RIMKLB: variants seen among roughly 807,000 people sequenced by gnomAD.
RIMKLB encodes the protein beta-citrylglutamate synthase B.
In RIMKLB, 7 loss-of-function variants were observed where a neutral mutation model predicts 32.0. That is an observed-to-expected ratio of 0.22 (90% confidence interval 0.12 to 0.41). RIMKLB has a LOEUF of 0.41. Ranked by LOEUF, RIMKLB falls within the 10% of genes least tolerant of loss-of-function variation. RIMKLB has a pLI of 1.00. For synonymous variants in RIMKLB, 172 were observed against 185.1 expected, an observed-to-expected ratio of 0.93 and a Z score of 0.57; for missense variants, 289 against 498.7, an observed-to-expected ratio of 0.58 and a Z score of 4.00.
At chr12:8,687,882 C>T (rs1240060286) in intron 1 of RIMKLB, among the ~76,000 whole-genome samples, 1 of 150,562 alleles carries the variant, frequency 6.6e-6, no homozygotes, top group Non-Finnish European at 1.5e-5. Context: ...ATTGCTTTGC[C>T]TGGGGATCTG....
chr12:8,733,709 C>T (rs1301847997), intron 2 of RIMKLB, among the ~76,000 whole-genome samples: 1 of 152,074 alleles, frequency 6.6e-6, no homozygotes, highest in African/African-American at 2.4e-5. Context: ...CTTGTCACTA[C>T]AAAAAATAAA....
upstream of RIMKLB, among the ~76,000 whole-genome samples, chr12:8,696,296 A>AG (rs1296252634): frequency 1.3e-5 from 2 of 152,188 alleles, no homozygotes; most frequent in Non-Finnish European, 2.9e-5. Flanking sequence ...TTTATGTCCC[A>AG]GGGGGCTGAA....
chr12:8,711,853 G>T (rs1326355461), intron 1 of RIMKLB, among the ~76,000 whole-genome samples: 1 of 152,086 alleles, frequency 6.6e-6, no homozygotes, highest in Non-Finnish European at 1.5e-5. Flanking sequence ...TATGTCTTTG[G>T]GTACAGCGTC....
At chr12:8,701,713 A>AT (rs971301012) in intron 1 of RIMKLB, among the ~76,000 whole-genome samples, 3 of 148,710 alleles carry the variant, frequency 2.0e-5, no homozygotes, top group African/African-American at 7.5e-5. Flanking sequence ...CTACATTTAG[A>AT]TTTTACAGGG....
chr12:8,675,254 A>C, the RIMKLB span, among the ~76,000 whole-genome samples: 1 of 152,210 alleles, frequency 6.6e-6, no homozygotes, highest in South Asian at 2.1e-4. Flanking sequence ...TTATTTTCTG[A>C]AACATTAGTC....
chr12:8,748,666 G>A lies in RIMKLB; in HGVS notation c.176-1196G>A, dbSNP rs575281666. ...TAGGGTTTAAGAAGAAACTCGGGGC[G>A]GCCGTGGTGGCTCATGCCTGTAAGC... On this transcript the variant is annotated intron_variant, in intron 2 of 5. Transcript: ENST00000535829. Among the ~76,000 whole-genome samples the A allele has an allele frequency of 1.1e-3, 173 of 151,016 alleles. 1 individual carries two copies. Among genetic ancestry groups the A allele is most frequent in the Non-Finnish European group, 1.8e-3 (120 of 67,802 alleles).
In RIMKLB at chr12:8,774,354, T is replaced by C; in HGVS notation, c.*570T>C. ...TTTTTTTGTTTTTTCCCGCTTAATTTGGTGGGAGGTCAAATTGAATATAAC... is the reference window on the plus strand; with the variant it reads ...TTTTTTTGTTTTTTCCCGCTTAATTCGGTGGGAGGTCAAATTGAATATAAC... On this transcript the variant is annotated 3_prime_UTR_variant, in exon 6 of 6. Coordinates refer to ENST00000535829, the MANE Select transcript of RIMKLB (RefSeq NM_001297776.2). 2.0e-6 allele frequency: 2 copies of C among 985,992 alleles called. No homozygotes were observed. Among genetic ancestry groups the C allele is most frequent in the Non-Finnish European group, 2.4e-6 (2 of 830,050 alleles). 61.1% of individuals were successfully genotyped at this position (985,992 alleles called of 1,614,324 possible). A position where few individuals can be genotyped will look rare whatever the true frequency, so the allele number is the denominator to read the frequency against.
chr12:8,742,461 A>C, intron 2 of RIMKLB: 1 of 399,058 alleles, frequency 2.5e-6, no homozygotes, highest in Non-Finnish European at 4.9e-6. Flanking sequence ...CAAAGAGCAC[A>C]TGGAGGAGGA....
At chr12:8,718,452 T>C (rs1945074402) in intron 2 of RIMKLB, among the ~76,000 whole-genome samples, 1 of 152,216 alleles carries the variant, frequency 6.6e-6, no homozygotes, top group Non-Finnish European at 1.5e-5. Flanking sequence ...GAGGCCATCC[T>C]GGCCAACATG....
In RIMKLB at chr12:8,698,570, C is replaced by G. The variant is rs184539932; in HGVS notation, c.-57+273C>G. ...GTGCGTGCGACCGGGCGAGCCGTGT[C>G]GAGGGGGCGGCGACTTCGGGCGTGT... On this transcript the variant is annotated intron_variant, in intron 1 of 5. Coordinates refer to ENST00000535829, the MANE Select transcript of RIMKLB (RefSeq NM_001297776.2). 3.0e-3 allele frequency among the ~76,000 whole-genome samples: 450 copies of G among 152,226 alleles called. 8 individuals are homozygous for G. Among genetic ancestry groups the G allele is most frequent in the African/African-American group, 0.01 (422 of 41,560 alleles).
At chr12:8,705,874 G>C (rs776177103) in intron 1 of RIMKLB, among the ~76,000 whole-genome samples, 1 of 152,244 alleles carries the variant, frequency 6.6e-6, no homozygotes, top group East Asian at 1.9e-4. Context: ...GAGTCTTGAG[G>C]AAGAGTTCCT....
At chr12:8,780,891 TTGAA>T (rs1195619639), downstream of RIMKLB, among the ~76,000 whole-genome samples, 4 of 152,216 alleles carry the variant, frequency 2.6e-5, no homozygotes, top group African/African-American at 7.2e-5. Flanking sequence ...ATTCTTTACT[TTGAA>T]TAATAACTAA....
the RIMKLB span, among the ~76,000 whole-genome samples, chr12:8,673,396 C>G: frequency 1.3e-5 from 2 of 152,106 alleles, no homozygotes; most frequent in Non-Finnish European, 2.9e-5. Context: ...AACTTAGTGA[C>G]TAAAACAACA....
At chr12:8,687,821 A>G (rs1034443092) in intron 1 of RIMKLB, among the ~76,000 whole-genome samples, 8 of 87,930 alleles carry the variant, frequency 9.1e-5, no homozygotes, top group South Asian at 5.7e-4. Flanking sequence ...AGTCAGGAAG[A>G]AAAAAAAAAA....
chr12:8,746,760 C>CTT (rs200870665), intron 2 of RIMKLB, among the ~76,000 whole-genome samples: 1 of 151,306 alleles, frequency 6.6e-6, no homozygotes, highest in Non-Finnish European at 1.5e-5. Context: ...CTTCAAAAAA[C>CTT]TTTTTTTTTC....
At chr12:8,719,198 T>C (rs780581344) in intron 2 of RIMKLB, among the ~76,000 whole-genome samples, 22 of 152,202 alleles carry the variant, frequency 1.4e-4, no homozygotes, top group Non-Finnish European at 2.4e-4. Flanking sequence ...CATAGTAATA[T>C]GAATTTAAGG....
chr12:8,688,838 CTT>C (rs912116531), intron 1 of RIMKLB, among the ~76,000 whole-genome samples: 2 of 146,212 alleles, frequency 1.4e-5, no homozygotes, highest in African/African-American at 2.5e-5. Flanking sequence ...TTCTTTCTTT[CTT>C]TTTTTTTTTT....
chr12:8,713,201 A>G (rs1240976315), intron 1 of RIMKLB, among the ~76,000 whole-genome samples: 3 of 152,192 alleles, frequency 2.0e-5, no homozygotes, highest in Admixed American at 6.5e-5. Context: ...TTGGTTATTG[A>G]GAGCCCTTTT....
At chr12:8,762,089 G>A (rs1426580055) in intron 5 of RIMKLB, among the ~76,000 whole-genome samples, 1 of 152,112 alleles carries the variant, frequency 6.6e-6, no homozygotes, top group African/African-American at 2.4e-5. Context: ...TGGTGAAAGT[G>A]GGGTTTCCTT....
Sources: allele counts gnomAD v4.1 joint callset (sites outside exome capture counted in the v4.1 genomes callset), GRCh38; gene constraint gnomAD v4.1.1; transcripts MANE v1.5; gene names NCBI Gene and HGNC (gene_info 2026-07-23, HGNC 2026-07-21).